Variants in SRR observed in about 807,000 individuals in gnomAD.
SRR encodes serine racemase, also known as D-serine ammonia-lyase.
Under a neutral mutation model 32.7 loss-of-function variants are expected in SRR, and 19 were observed. That is an observed-to-expected ratio of 0.58 (90% CI 0.40 to 0.85). The LOEUF (loss-of-function observed/expected upper bound fraction) is 0.85. SRR is among the 40% of genes least tolerant of loss of function. The pLI, the probability that SRR is intolerant of heterozygous loss-of-function variation, is 0.00. For synonymous variants in SRR, 142 were observed against 140.9 expected (o/e 1.01, Z -0.06); for missense variants, 373 against 404.7 (o/e 0.92, Z 0.67).
At chr17:2,306,874 A>G in intron 1 of SRR, 4 of 891,304 alleles carry the variant, frequency 4.5e-6, no homozygotes, top group South Asian at 3.9e-5. Context: ...GCAATGGGGA[A>G]CACTCGCGGA....
At position 2,324,744 on chromosome 17, in the gene SRR, A is replaced by G; in HGVS notation, c.*871A>G. 3 of 1,614,230 alleles carry G rather than the reference A, an allele frequency of 1.9e-6. No homozygotes were observed. The highest frequency in any genetic ancestry group is 2.5e-6 in the Non-Finnish European group (3 of 1,180,040). On this transcript the variant is annotated 3_prime_UTR_variant, in exon 8 of 8. Coordinates refer to ENST00000344595, the MANE Select transcript of SRR (RefSeq NM_021947.3). ...CCATCTTAGTAAAAATTTTGAAAGG[A>G]TGACCACTCAGAACAACTCTCTTGA... is the stretch of plus-strand genomic sequence containing the variant.
Position 2,315,579 on chromosome 17 carries a change from A to C in SRR, c.19A>C (p.Ile7Leu). 6.2e-7 allele frequency: 1 copy of C among 1,613,840 alleles called. No individual in the cohort carries two copies. Among genetic ancestry groups the C allele is most frequent in the Non-Finnish European group, 8.5e-7 (1 of 1,179,954 alleles). ...CAGAACCATGTGTGCTCAGTATTGC[A>C]TCTCCTTTGCTGATGTTGAAAAAGC... is the stretch of plus-strand genomic sequence containing the variant. MCAQYC[I>L]SFADVEKAHI... The change falls in exon 2 of 8, where the codon ATC (isoleucine) becomes CTC (leucine). Residue 7 changes from isoleucine to leucine, a missense_variant. Physicochemically the swap from Ile to Leu is conservative, Grantham distance 5. Coordinates refer to ENST00000344595, the MANE Select transcript of SRR (RefSeq NM_021947.3).
At chr17:2,309,765 T>C (rs2075420418) in intron 1 of SRR, 1 of 152,238 alleles carries the variant, frequency 6.6e-6, no homozygotes, top group Non-Finnish European at 1.5e-5. Flanking sequence ...TATTGCACAC[T>C]GTTATCTTCA....
chr17:2,313,587 T>C (rs1488054389), intron 1 of SRR, among the ~76,000 whole-genome samples: 1 of 151,462 alleles, frequency 6.6e-6, no homozygotes, highest in East Asian at 1.9e-4. Flanking sequence ...AATATAAAAA[T>C]TAGCTGGGTG....
Position 2,321,600 on chromosome 17 carries a change from T to C in SRR, c.578T>C (p.Ile193Thr), listed in dbSNP as rs376753992. 4.7e-5 allele frequency: 76 copies of C among 1,613,860 alleles called. No homozygotes were observed. The highest frequency in any genetic ancestry group is 1.0e-4 in the Admixed American group (6 of 59,976). Residue 193 changes from isoleucine to threonine, a missense_variant, in exon 6 of 8, where the codon ATA becomes ACA. Ile to Thr is a moderately conservative substitution (Grantham distance 89, BLOSUM62 -1). Coordinates refer to ENST00000344595, the MANE Select transcript of SRR (RefSeq NM_021947.3). ...PVGGGGMLAG[I>T]AITVKALKPS... ...GGTGGAGGAGGAATGCTTGCTGGAA[T>C]AGCAATTACAGTTAAGGTGAGCAGC...
rs2075522366 is a variant in SRR at position 2,320,872 on chromosome 17, C to A, written c.400-434C>A. The stretch of plus-strand genomic sequence containing the variant: ...CCACTGCACCCAGCCTTGACCTCAT[C>A]TTCTATTATTTCTCTTGCCCACTCT... On this transcript the variant is annotated intron_variant, in intron 4 of 7. Transcript: ENST00000344595. Among the ~76,000 whole-genome samples the A allele has an allele frequency of 3.9e-5, 6 of 152,180 alleles. 1 individual carries two copies. The South Asian group carries it at 1.2e-3, about 31-fold the overall frequency.
upstream of SRR, chr17:2,303,548 A>C (rs2075338039): frequency 2.2e-6 from 3 of 1,342,486 alleles, no homozygotes; most frequent in African/African-American, 3.1e-5. Flanking sequence ...TCCGGAGCCG[A>C]GGGCCGAGCG....
Position 2,323,638 on chromosome 17 carries a change from C to G in SRR, c.805-17C>G. On this transcript the variant is annotated splice_polypyrimidine_tract_variant and intron_variant, in intron 7 of 7. Coordinates refer to ENST00000344595, the MANE Select transcript of SRR (RefSeq NM_021947.3). ...GACTCCCCTTTCACTAATTCCTACT[C>G]CCTTCCATATCAACAGTGTGCAACC... is the stretch of plus-strand genomic sequence containing the variant. 1 of 1,612,534 alleles carries G rather than the reference C, an allele frequency of 6.2e-7. No individual in the cohort carries two copies. The highest frequency in any genetic ancestry group is 8.5e-7 in the Non-Finnish European group (1 of 1,178,702).
At position 2,320,369 on chromosome 17, in the gene SRR, C is replaced by T. The variant is rs918325532; in HGVS notation, c.400-937C>T. Among the ~76,000 whole-genome samples, 6 of 148,884 alleles carry T rather than the reference C, an allele frequency of 4.0e-5. No individual in the cohort carries two copies. In the East Asian group the frequency reaches 1.2e-3, roughly 30 times the overall value. ...CTCCTGGGTTCAAGCGATTCTTCTG[C>T]CTCAGCCTCCCGAGTAGCTGGGACT... On this transcript the variant is annotated intron_variant, in intron 4 of 7. Transcript: ENST00000344595.
chr17:2,318,406 T>C (rs1421125752), intron 3 of SRR, among the ~76,000 whole-genome samples: 4 of 151,438 alleles, frequency 2.6e-5, no homozygotes, highest in African/African-American at 9.7e-5. Context: ...CGCCTTGGCC[T>C]CCCAAAGTCC....
At chr17:2,303,727 G>A (rs750718415), upstream of SRR, 39 of 1,491,420 alleles carry the variant, frequency 2.6e-5, no homozygotes, top group Non-Finnish European at 3.4e-5. Flanking sequence ...CCATCTTCGC[G>A]GCTGCTGCTA....
intron 6 of SRR, chr17:2,322,732 G>A (rs543542722): frequency 3.0e-4 from 51 of 172,340 alleles, no homozygotes; most frequent in Non-Finnish European, 5.3e-4. Flanking sequence ...TAGCCAGGAT[G>A]GTCTTGATCT....
chr17:2,313,578 A>C (rs1469331694), intron 1 of SRR, among the ~76,000 whole-genome samples: 1 of 151,802 alleles, frequency 6.6e-6, no homozygotes, highest in Non-Finnish European at 1.5e-5. Context: ...TCTACGAAAA[A>C]TATAAAAATT....
intron 4 of SRR, 42 bp from the exon 5 acceptor site, chr17:2,321,264 T>G: frequency 6.2e-7 from 1 of 1,604,190 alleles, no homozygotes; most frequent in Non-Finnish European, 8.5e-7. Flanking sequence ...TTGGGGACTC[T>G]ATTAAATACA....
chr17:2,317,662 C>T, intron 2 of SRR, among the ~76,000 whole-genome samples: 1 of 151,928 alleles, frequency 6.6e-6, no homozygotes, highest in Non-Finnish European at 1.5e-5. Flanking sequence ...AAGCCGAGAT[C>T]GTGGCACTGC....
chr17:2,307,091 G>GC, intron 1 of SRR: 1 of 1,120,956 alleles, frequency 8.9e-7, no homozygotes, highest in East Asian at 2.3e-5. Context: ...TTTGTTGGTG[G>GC]CATTAACGAA....
At chr17:2,322,822 T>C (rs7222251) in intron 6 of SRR, 91,998 of 340,168 alleles carry the variant, frequency 0.27, 13,081 homozygotes, top group Admixed American at 0.37. Context: ...CACCCCATTT[T>C]GGTGTGATCT....
intron 1 of SRR, chr17:2,306,877 C>T: frequency 2.2e-6 from 2 of 903,708 alleles, no homozygotes; most frequent in East Asian, 4.8e-5. Flanking sequence ...ATGGGGAACA[C>T]TCGCGGACTG....
chr17:2,317,704 A>C (rs2075488159), intron 2 of SRR, among the ~76,000 whole-genome samples, 166 bp from the exon 3 acceptor site: 1 of 152,092 alleles, frequency 6.6e-6, no homozygotes, highest in Non-Finnish European at 1.5e-5. Context: ...ACTCCATCTC[A>C]AAAAAATAAA....
Sources: allele counts gnomAD v4.1 joint callset (sites outside exome capture counted in the v4.1 genomes callset), GRCh38; gene constraint gnomAD v4.1.1; transcripts MANE v1.5; gene names NCBI Gene and HGNC (gene_info 2026-07-23, HGNC 2026-07-21).